CMIP: variants seen among roughly 807,000 people sequenced by gnomAD.
CMIP encodes c-Maf inducing protein.
Under a neutral mutation model 97.3 loss-of-function variants are expected in CMIP, and 13 were observed. The ratio of observed to expected loss-of-function variants is 0.13; its 90% confidence interval spans 0.09 to 0.21. CMIP has a LOEUF of 0.21. CMIP is among the 10% of genes least tolerant of loss of function. The probability of loss-of-function intolerance (pLI) is 1.00; values close to 1 mark genes in which losing one functional copy is unlikely to be tolerated. For synonymous variants in CMIP, 538 were observed against 436.3 expected, an observed-to-expected ratio of 1.23 and a Z score of -2.91; for missense variants, 847 against 1,024.9, an observed-to-expected ratio of 0.83 and a Z score of 2.37.
chr16:81,509,363 G>A (rs2089768761), intron 1 of CMIP, among the ~76,000 whole-genome samples: 1 of 152,206 alleles, frequency 6.6e-6, no homozygotes, highest in Middle Eastern at 3.2e-3. Flanking sequence ...GTGTGTCTGG[G>A]GGCTTGCTTC....
intron 1 of CMIP, among the ~76,000 whole-genome samples, chr16:81,471,474 A>G (rs1266952262): frequency 6.6e-6 from 1 of 152,354 alleles, no homozygotes; most frequent in South Asian, 2.1e-4. Context: ...ATGTATGCAG[A>G]CATGCACACA....
At chr16:81,573,366 G>T (rs1048536630) in intron 1 of CMIP, among the ~76,000 whole-genome samples, 1 of 151,598 alleles carries the variant, frequency 6.6e-6, no homozygotes, top group Non-Finnish European at 1.5e-5. Context: ...AAAAAAAAAG[G>T]CATGTTTTCC....
At chr16:81,688,548 G>C (rs1905681582) in intron 10 of CMIP, among the ~76,000 whole-genome samples, 1 of 152,220 alleles carries the variant, frequency 6.6e-6, no homozygotes, top group Non-Finnish European at 1.5e-5. Context: ...CTTGTAAAGA[G>C]TAAATGAACT....
chr16:81,574,230 C>T (rs748510874), intron 1 of CMIP, among the ~76,000 whole-genome samples: 2 of 152,364 alleles, frequency 1.3e-5, no homozygotes, highest in Middle Eastern at 3.4e-3. Flanking sequence ...ACCTGCCCTA[C>T]TTCCCTCACC....
chr16:81,459,832 T>G (rs559915146), intron 1 of CMIP, among the ~76,000 whole-genome samples: 8 of 152,280 alleles, frequency 5.3e-5, no homozygotes, highest in Non-Finnish European at 8.8e-5. Flanking sequence ...GGCTGCTGCT[T>G]CTTTGGGGAA....
At chr16:81,495,559 G>C in intron 1 of CMIP, 5 of 1,564,626 alleles carry the variant, frequency 3.2e-6, no homozygotes, top group Admixed American at 3.5e-5. Flanking sequence ...CTCGCCTGCT[G>C]CTGCTGGCCA....
intron 1 of CMIP, among the ~76,000 whole-genome samples, chr16:81,504,641 C>CAAAAAAAAAA (rs149715666): frequency 3.3e-4 from 24 of 71,888 alleles, no homozygotes; most frequent in Non-Finnish European, 5.1e-4. Context: ...AGACTCGTCT[C>CAAAAAAAAAA]AAAAAAAAAA....
At chr16:81,445,647 G>T in intron 1 of CMIP, 106 bp downstream of exon 1, 1 of 1,267,874 alleles carries the variant, frequency 7.9e-7, no homozygotes, top group African/African-American at 1.5e-5. Flanking sequence ...CCTGGGGGGC[G>T]GTGGGGGGTG....
At chr16:81,687,655 C>G (rs903112161) in intron 10 of CMIP, among the ~76,000 whole-genome samples, 5 of 152,138 alleles carry the variant, frequency 3.3e-5, no homozygotes, top group Non-Finnish European at 2.9e-5. Flanking sequence ...TGGGGGTTGT[C>G]ATGACTGCAG....
chr16:81,567,106 G>A (rs1299458515), intron 1 of CMIP, among the ~76,000 whole-genome samples: 3 of 152,232 alleles, frequency 2.0e-5, no homozygotes, highest in Non-Finnish European at 4.4e-5. Flanking sequence ...CCTGCACCCA[G>A]AGACAAGCAT....
At chr16:81,707,756 C>T (rs1297062887) in intron 20 of CMIP, among the ~76,000 whole-genome samples, 1 of 152,246 alleles carries the variant, frequency 6.6e-6, no homozygotes, top group Admixed American at 6.5e-5. Context: ...TCAGTCGCCT[C>T]CTGTCACCCC....
At chr16:81,472,303 G>A (rs911213528) in intron 1 of CMIP, among the ~76,000 whole-genome samples, 6 of 152,254 alleles carry the variant, frequency 3.9e-5, no homozygotes, top group Admixed American at 3.9e-4. Flanking sequence ...GATTCCATGA[G>A]AGGATGTATG....
chr16:81,485,126 C>G (rs56207323), intron 1 of CMIP, among the ~76,000 whole-genome samples: 1 of 152,100 alleles, frequency 6.6e-6, no homozygotes, highest in African/African-American at 2.4e-5. Context: ...TTTTTTATTC[C>G]GACATCATTT....
rs948497370 is a variant in CMIP, at chr16:81,627,573, G to A, written c.477+6647G>A. On this transcript the variant is annotated intron_variant, in intron 3 of 20. Coordinates refer to ENST00000537098, the MANE Select transcript of CMIP (RefSeq NM_198390.3). This position sits in a 1 kb window ranked among gnomAD's most constrained non-coding sequence, Gnocchi z 4.6. ...GAGGGCTAGGGTGGGTGGGAAGCCC[G>A]CCCTCGAGACTGTCTCTGCCCGGCT... 6.6e-6 allele frequency among the ~76,000 whole-genome samples: 1 copy of A among 152,060 alleles called. No individual in the cohort carries two copies. The highest frequency in any genetic ancestry group is 1.9e-4 in the East Asian group (1 of 5,184).
At chr16:81,557,841 C>T (rs184907242) in intron 1 of CMIP, among the ~76,000 whole-genome samples, 2 of 152,186 alleles carry the variant, frequency 1.3e-5, no homozygotes, top group Non-Finnish European at 1.5e-5. Flanking sequence ...ACATACAGTT[C>T]GGTGGCATTA....
In CMIP at chr16:81,616,184, C is replaced by G. The variant is rs1398013591; in HGVS notation, c.427-4692C>G. On this transcript the variant is annotated intron_variant, in intron 2 of 20. Coordinates refer to ENST00000537098, the MANE Select transcript of CMIP (RefSeq NM_198390.3). This position sits in a 1 kb window ranked among gnomAD's most constrained non-coding sequence, Gnocchi z 4.7. ...TTTTTTTTTTTTTTAACACCAGGCTCACTGGAGCAGTCGCAGTTAATCCTA... is the reference window on the plus strand; with the variant it reads ...TTTTTTTTTTTTTTAACACCAGGCTGACTGGAGCAGTCGCAGTTAATCCTA... Among the ~76,000 whole-genome samples the G allele has an allele frequency of 5.4e-5, 8 of 149,462 alleles. No homozygotes were observed.
rs74029190 is a variant in CMIP, at chr16:81,572,667, C to T, written c.301-34900C>T. On this transcript the variant is annotated intron_variant, in intron 1 of 20. Transcript: ENST00000537098. Reference sequence around the variant, plus strand: ...ATGGTCGAGCGGGGGTCTCAAATCCCGTTGAGTCTTACTTCAAGTCCAGGC... The same window carrying T: ...ATGGTCGAGCGGGGGTCTCAAATCCTGTTGAGTCTTACTTCAAGTCCAGGC... Among the ~76,000 whole-genome samples the T allele has an allele frequency of 1.1e-3, 166 of 152,260 alleles. 1 individual carries two copies. The highest frequency in any genetic ancestry group is 6.8e-3 in the Middle Eastern group (2 of 294).
chr16:81,505,090 G>A (rs913325616), intron 1 of CMIP, among the ~76,000 whole-genome samples: 1 of 152,212 alleles, frequency 6.6e-6, no homozygotes, highest in African/African-American at 2.4e-5. Flanking sequence ...TCAGTCGGGA[G>A]CCTTGCTCAT....
At chr16:81,544,275 C>T (rs2090502099) in intron 1 of CMIP, among the ~76,000 whole-genome samples, 1 of 152,218 alleles carries the variant, frequency 6.6e-6, no homozygotes, top group African/African-American at 2.4e-5. Context: ...CTTCAGCTCT[C>T]AAATGAGACC....
Sources: allele counts gnomAD v4.1 joint callset (sites outside exome capture counted in the v4.1 genomes callset), GRCh38; gene constraint gnomAD v4.1.1; non-coding constraint Gnocchi (gnomAD v3.1); transcripts MANE v1.5; gene names NCBI Gene and HGNC (gene_info 2026-07-23, HGNC 2026-07-21).